The following MYT1L variants were observed in gnomAD, a reference collection of about 807,000 sequenced individuals.
The protein encoded by MYT1L is myelin transcription factor 1 like, also known as myelin transcription factor 1-like protein.
In MYT1L, 12 loss-of-function variants were observed where a neutral mutation model predicts 126.7. The ratio of observed to expected loss-of-function variants is 0.09; its 90% CI spans 0.06 to 0.15. MYT1L has a LOEUF of 0.15. Ranked by LOEUF, MYT1L falls within the 10% of genes least tolerant of loss-of-function variation. MYT1L has a pLI of 1.00. For missense variants in MYT1L, 979 were observed against 1,585.2 expected (o/e 0.62, Z 6.49); for synonymous variants, 541 against 604.2 (o/e 0.90, Z 1.53).
At position 1,887,419 on chromosome 2, in the gene MYT1L, GT is replaced by G; in HGVS notation, c.2642+68del. The stretch of plus-strand genomic sequence containing the variant: ...AAACGGCAAGGCATATACAGATCCA[GT>G]TTTAAAAAATCAGCCAAAGAATGGG... On this transcript the variant is annotated intron_variant, in intron 17 of 24. Coordinates refer to ENST00000647738, the MANE Select transcript of MYT1L (RefSeq NM_001303052.2). The surrounding 1 kb of genome is among the most constrained non-coding windows in gnomAD (Gnocchi z 4.8). The G allele has an allele frequency of 6.2e-7, 1 of 1,604,510 alleles. No individual in the cohort carries two copies. Among genetic ancestry groups the G allele is most frequent in the Non-Finnish European group, 8.5e-7 (1 of 1,171,932 alleles).
intron 3 of MYT1L, among the ~76,000 whole-genome samples, chr2:2,141,299 T>C (rs992677422): frequency 1.3e-5 from 2 of 152,164 alleles, no homozygotes; most frequent in Admixed American, 6.5e-5. Flanking sequence ...AATAAACATA[T>C]GGATTTTTAT....
At chr2:2,044,767 C>T (rs758718518) in intron 4 of MYT1L, among the ~76,000 whole-genome samples, 3 of 152,154 alleles carry the variant, frequency 2.0e-5, no homozygotes, top group Admixed American at 6.5e-5. Flanking sequence ...ACTTTAAAAG[C>T]GATTGGTGTC....
chr2:1,839,269 T>C lies in MYT1L; in HGVS notation c.2960A>G (p.Asp987Gly). 3 of 1,613,760 alleles carry C rather than the reference T, an allele frequency of 1.9e-6. No individual in the cohort carries two copies. The highest frequency in any genetic ancestry group is 2.5e-6 in the Non-Finnish European group (3 of 1,179,900). Residue 987 changes from aspartate to glycine, a missense_variant, in exon 21 of 25, where the codon GAC (aspartate) becomes GGC (glycine). By Grantham distance (94) the Asp-to-Gly change is moderately conservative (BLOSUM62 -1). Around this residue, in one of 12 missense-constraint regions of MYT1L, gnomAD observed 179 missense variants for 398.6 expected, o/e 0.45. Transcript: ENST00000647738. ...GAACTGGGAGCCATTCAGGTACCCG[T>C]CTTTCTGCCTCTTGGCCGCCAAGGG... ...GCPLAAKRQKDGYLNGSQFSW... is the reference protein window; with the variant it reads ...GCPLAAKRQKGGYLNGSQFSW...
chr2:2,186,787 C>T (rs1479557405), intron 2 of MYT1L, among the ~76,000 whole-genome samples: 1 of 152,136 alleles, frequency 6.6e-6, no homozygotes, highest in Non-Finnish European at 1.5e-5. Flanking sequence ...AATTCCAATT[C>T]GAAAATATTG....
chr2:1,820,968 T>C (rs1384755247), intron 21 of MYT1L, among the ~76,000 whole-genome samples: 2 of 152,218 alleles, frequency 1.3e-5, no homozygotes, highest in East Asian at 1.9e-4. Context: ...CCCTGTGGAA[T>C]GGAACTTCTC....
At position 2,059,588 on chromosome 2, in the gene MYT1L, CG is replaced by C. The variant is rs2070120135; in HGVS notation, c.-303-5466del. On this transcript the variant is annotated intron_variant, in intron 3 of 24. Coordinates refer to ENST00000647738, the MANE Select transcript of MYT1L (RefSeq NM_001303052.2). The surrounding 1 kb of genome is among the most constrained non-coding windows in gnomAD (Gnocchi z 4.7). ...CAAAGGCCTTGCACCAAAGCACAAA[CG>C]GACGCAGGACTGCAGTTCGGCAGGG... Among the ~76,000 whole-genome samples the C allele has an allele frequency of 6.6e-6, 1 of 152,154 alleles. No individual in the cohort carries two copies. Among genetic ancestry groups the C allele is most frequent in the Non-Finnish European group, 1.5e-5 (1 of 68,018 alleles).
intron 23 of MYT1L, among the ~76,000 whole-genome samples, chr2:1,796,100 G>T (rs2033434970): frequency 6.6e-6 from 1 of 152,210 alleles, no homozygotes; most frequent in Non-Finnish European, 1.5e-5. Context: ...AATTCCGACT[G>T]CAGCACCACG....
chr2:2,199,602 C>T lies in MYT1L; in HGVS notation c.-420-26614G>A, dbSNP rs73913252. Among the ~76,000 whole-genome samples, 1,336 of 152,304 alleles carry T rather than the reference C, an allele frequency of 8.8e-3. 19 individuals carry two copies. Among genetic ancestry groups the T allele is most frequent in the African/African-American group, 0.027 (1,124 of 41,566 alleles). On this transcript the variant is annotated intron_variant, in intron 2 of 24. Coordinates refer to ENST00000647738, the MANE Select transcript of MYT1L (RefSeq NM_001303052.2). ...TGGCTCACAGGACTTGAGTGAGGGA[C>T]ACAGTGTTAATGTGAGAAGCCACCG...
rs189753979 is a variant in MYT1L at position 2,130,327 on chromosome 2, T to C, written c.-304+42545A>G. On this transcript the variant is annotated intron_variant, in intron 3 of 24. Coordinates refer to ENST00000647738, the MANE Select transcript of MYT1L (RefSeq NM_001303052.2). ...TCCAAAGATTGATCACATCCACCGCTGGTGGTAACATAACCAATTGCTATA... is the reference window on the plus strand; with the variant it reads ...TCCAAAGATTGATCACATCCACCGCCGGTGGTAACATAACCAATTGCTATA... Among the ~76,000 whole-genome samples, 174 of 151,316 alleles carry C rather than the reference T, an allele frequency of 1.1e-3. 1 individual carries two copies. Among genetic ancestry groups the C allele is most frequent in the African/African-American group, 3.6e-3 (148 of 41,238 alleles).
chr2:1,959,594 C>A (rs1240432721), intron 8 of MYT1L, among the ~76,000 whole-genome samples: 2 of 152,200 alleles, frequency 1.3e-5, no homozygotes, highest in African/African-American at 4.8e-5. Context: ...TCTATAGCTC[C>A]TTCAAAGGTC....
rs1020723434 is a variant in MYT1L at position 1,889,835 on chromosome 2, T to G, written c.2284-358A>C. ...TGTTCAGAAGAAAATTACAAAGTGC[T>G]TAATTTTAATTTTATTACCGTTGCA... On this transcript the variant is annotated intron_variant, in intron 15 of 24. Transcript: ENST00000647738. This position sits in a 1 kb window ranked among gnomAD's most constrained non-coding sequence, Gnocchi z 4.1. Among the ~76,000 whole-genome samples the G allele has an allele frequency of 2.6e-5, 4 of 152,178 alleles. No homozygotes were observed. Among genetic ancestry groups the G allele is most frequent in the African/African-American group, 7.2e-5 (3 of 41,444 alleles).
rs1023330804 is a variant in MYT1L at position 1,809,116 on chromosome 2, A to G, written c.3132T>C (p.Ser1044=). The part of the protein sequence containing the change: ...ATSAMKKAKL[S]GEQMLTIKQR... The stretch of plus-strand genomic sequence containing the variant: ...GTTTGATGGTCAGCATCTGCTCTCC[A>G]GAAAGCTTTGCCTTCTTCATCGCTG... Residue 1044 remains serine, a synonymous_variant, in exon 22 of 25, where the codon TCT becomes TCC. Coordinates refer to ENST00000647738, the MANE Select transcript of MYT1L (RefSeq NM_001303052.2). 1 of 1,613,990 alleles carries G rather than the reference A, an allele frequency of 6.2e-7. No homozygotes were observed. The highest frequency in any genetic ancestry group is 8.5e-7 in the Non-Finnish European group (1 of 1,179,878).
Position 2,195,923 on chromosome 2 carries a change from C to T in MYT1L, c.-420-22935G>A, listed in dbSNP as rs1306343980. Among the ~76,000 whole-genome samples the T allele has an allele frequency of 2.6e-5, 4 of 152,010 alleles. No homozygotes were observed. In the South Asian group the frequency reaches 8.3e-4, roughly 32 times the overall value. ...TATATATAAGACACAGTATAAAACC[C>T]TATCACATGCAAAACAGGAGTCCCA... is the stretch of plus-strand genomic sequence containing the variant. On this transcript the variant is annotated intron_variant, in intron 2 of 24. Transcript: ENST00000647738.
chr2:1,989,128 C>A (rs1488485967), intron 5 of MYT1L, among the ~76,000 whole-genome samples: 1 of 152,088 alleles, frequency 6.6e-6, no homozygotes, highest in Non-Finnish European at 1.5e-5. Flanking sequence ...TTTACAAAAT[C>A]TAAAAAGTGC....
At chr2:2,276,727 C>G (rs1209771581) in intron 2 of MYT1L, among the ~76,000 whole-genome samples, 1 of 152,152 alleles carries the variant, frequency 6.6e-6, no homozygotes, top group Non-Finnish European at 1.5e-5. Context: ...ATCTCACCCT[C>G]TCTGCAGGTG....
At chr2:2,005,687 C>CAT (rs2063217979) in intron 4 of MYT1L, among the ~76,000 whole-genome samples, 1 of 149,144 alleles carries the variant, frequency 6.7e-6, no homozygotes. Flanking sequence ...TTCTTTCCTG[C>CAT]GTGCCTTCTC....
At chr2:1,968,546 G>A (rs967107269) in intron 8 of MYT1L, among the ~76,000 whole-genome samples, 3 of 152,118 alleles carry the variant, frequency 2.0e-5, no homozygotes, top group East Asian at 1.9e-4. Flanking sequence ...TACAAGGAAC[G>A]GATCTTTTAA....
chr2:2,301,825 T>TAA (rs375520368), intron 1 of MYT1L, among the ~76,000 whole-genome samples: 26 of 96,892 alleles, frequency 2.7e-4, no homozygotes, highest in African/African-American at 7.9e-4. Context: ...CCTGTCTGTC[T>TAA]AAAAAAAAAA....
At position 2,095,761 on chromosome 2, in the gene MYT1L, G is replaced by A. The variant is rs1014780853; in HGVS notation, c.-303-41638C>T. 3.9e-5 allele frequency among the ~76,000 whole-genome samples: 6 copies of A among 152,118 alleles called. No homozygotes were observed. The South Asian group carries it at 6.2e-4, about 16-fold the overall frequency. On this transcript the variant is annotated intron_variant, in intron 3 of 24. Coordinates refer to ENST00000647738, the MANE Select transcript of MYT1L (RefSeq NM_001303052.2). The stretch of plus-strand genomic sequence containing the variant: ...CATCAGGTCTGTGTGGTGACTCCAC[G>A]GCTCTCCTCATCGCCCCGGGCACCC...
Sources: gnomAD v4.1 joint callset for allele counts (sites outside exome capture counted in the v4.1 genomes callset) on GRCh38, gnomAD v4.1.1 for gene constraint, gnomAD v4.1.1 regional missense constraint, Gnocchi (gnomAD v3.1) non-coding constraint, MANE v1.5 for transcripts, NCBI Gene and HGNC (gene_info 2026-07-23, HGNC 2026-07-21) for gene names.